Variants in TCF20 observed in about 807,000 individuals in gnomAD.
TCF20 encodes the protein transcription factor 20.
Under a neutral mutation model 148.6 loss-of-function variants are expected in TCF20, and 3 were observed. The observed-to-expected ratio is 0.02, with a 90% CI of 0.01 to 0.05. The LOEUF is 0.05. TCF20 is among the 10% of genes least tolerant of loss of function. The pLI is 1.00. For missense variants in TCF20, 2,350 were observed against 2,429.3 expected (o/e 0.97, Z 0.69); for synonymous variants, 1,049 against 909.5 (o/e 1.15, Z -2.76).
At chr22:42,334,742 C>T (rs951159501) in intron 1 of TCF20, among the ~76,000 whole-genome samples, 2 of 152,220 alleles carry the variant, frequency 1.3e-5, no homozygotes, top group African/African-American at 2.4e-5. Flanking sequence ...CAGATGAGGA[C>T]GCTGAGGCTC....
At chr22:42,189,927 G>C (rs1937245610) in intron 2 of TCF20, among the ~76,000 whole-genome samples, 1 of 152,210 alleles carries the variant, frequency 6.6e-6, no homozygotes, top group African/African-American at 2.4e-5. Context: ...CTGGGGCGGA[G>C]AGGAAGTTCT....
upstream of TCF20, among the ~76,000 whole-genome samples, chr22:42,272,678 CA>C (rs1356442222): frequency 7.2e-5 from 11 of 152,356 alleles, no homozygotes; most frequent in East Asian, 2.1e-3. Flanking sequence ...GAAACTTCCC[CA>C]GTCCTTGGAC....
intron 2 of TCF20, among the ~76,000 whole-genome samples, chr22:42,198,914 C>T (rs1028229310): frequency 6.6e-6 from 1 of 152,182 alleles, no homozygotes; most frequent in Non-Finnish European, 1.5e-5. Flanking sequence ...ATCTGCCCAC[C>T]TTGGCCTCCC....
chr22:42,251,133 C>T (rs1475479741), intron 1 of TCF20, among the ~76,000 whole-genome samples: 1 of 152,124 alleles, frequency 6.6e-6, no homozygotes, highest in African/African-American at 2.4e-5. Context: ...ATTAAGTGGC[C>T]TATGAAGTGT....
At chr22:42,220,036 C>G (rs927093721) in intron 1 of TCF20, among the ~76,000 whole-genome samples, 1 of 152,296 alleles carries the variant, frequency 6.6e-6, no homozygotes, top group African/African-American at 2.4e-5. Flanking sequence ...ACCTCACAAA[C>G]TCACTCATAA....
chr22:42,211,180 C>T lies in TCF20; in HGVS notation c.4126G>A (p.Gly1376Arg), dbSNP rs1421442463. The change falls in exon 2 of 6, where the codon GGG becomes AGG. Residue 1376 changes from glycine to arginine, a missense_variant. Transcript: ENST00000677622. ...TCATCAAGCGTAACCGTGTCTCCCC[C>T]AGCCTCCGCACTGTTCGAAGATGCG... Reference protein sequence around the residue: ...RSASSNSAEAGGDTVTLDDIL... With the variant: ...RSASSNSAEARGDTVTLDDIL... The T allele has an allele frequency of 6.2e-7, 1 of 1,614,212 alleles. No individual in the cohort carries two copies. The highest frequency in any genetic ancestry group is 8.5e-7 in the Non-Finnish European group (1 of 1,180,046).
upstream of TCF20, among the ~76,000 whole-genome samples, chr22:42,273,360 CAAAAAAAAAAAAAAA>C (rs35166029): frequency 3.3e-5 from 2 of 61,270 alleles, no homozygotes; most frequent in Admixed American, 5.1e-4. Flanking sequence ...AACTCCGTCT[CAAAAAAAAAAAAAAA>C]AAAAAAAAAA....
At chr22:42,199,443 A>C (rs2147157540) in intron 2 of TCF20, among the ~76,000 whole-genome samples, 1 of 152,310 alleles carries the variant, frequency 6.6e-6, no homozygotes, top group East Asian at 1.9e-4. Flanking sequence ...CTGAGGAAAT[A>C]GGGTACAACT....
At chr22:42,324,030 GAT>G (rs1927809433) in intron 1 of TCF20, among the ~76,000 whole-genome samples, 3 of 145,436 alleles carry the variant, frequency 2.1e-5, no homozygotes, top group Non-Finnish European at 4.6e-5. Context: ...TGGTGGTGGT[GAT>G]GGAGGTTATG....
rs571292523 is a variant in TCF20, at chr22:42,267,699, C to CA, written c.-37+2639dup. ...CTGGCAACAGAGAGAGACTCTGTCT[C>CA]AAAAAAACAAACAAAAAAGTGTTTA... is the stretch of plus-strand genomic sequence containing the variant. On this transcript the variant is annotated intron_variant, in intron 1 of 5. Transcript: ENST00000677622. 7.2e-4 allele frequency among the ~76,000 whole-genome samples: 107 copies of CA among 149,318 alleles called. No individual in the cohort carries two copies. In the Middle Eastern group the frequency reaches 0.017, roughly 24 times the overall value.
intron 3 of TCF20, 107 bp downstream of exon 3, chr22:42,179,490 CAAAAAAAAAAAA>C (rs57857271): frequency 2.7e-6 from 1 of 369,016 alleles, no homozygotes; most frequent in Non-Finnish European, 4.5e-6. Flanking sequence ...TATGAAGTGA[CAAAAAAAAAAAA>C]AAAAAAAAAG....
chr22:42,323,594 G>A (rs1927774632), intron 1 of TCF20, among the ~76,000 whole-genome samples: 1 of 151,792 alleles, frequency 6.6e-6, no homozygotes, highest in Non-Finnish European at 1.5e-5. Flanking sequence ...TATAGCAAAT[G>A]CAAAGGCTGG....
Position 42,211,889 on chromosome 22 carries a change from G to A in TCF20, c.3417C>T (p.Asp1139=), listed in dbSNP as rs780896034. The change falls in exon 2 of 6, where the codon GAC becomes GAT. Residue 1139 remains aspartate (D), a synonymous_variant. Coordinates refer to ENST00000677622, the MANE Select transcript of TCF20 (RefSeq NM_001378418.1). ...GTGGGCCATACATCATACCATCTTT[G>A]TCATTTTTCAGAGGGCTCCGTACTC... ...LDRVRSPLKN[D]KDGMMYGPPV... is the part of the protein sequence containing the mutation. The A allele has an allele frequency of 6.2e-7, 1 of 1,614,104 alleles. No homozygotes were observed. Among genetic ancestry groups the A allele is most frequent in the African/African-American group, 1.3e-5 (1 of 75,006 alleles).
chr22:42,261,196 G>C (rs1005572217), intron 1 of TCF20, among the ~76,000 whole-genome samples: 1 of 152,060 alleles, frequency 6.6e-6, no homozygotes, highest in African/African-American at 2.4e-5. Context: ...TTTTGTTTGT[G>C]GTCTTCCATT....
intron 1 of TCF20, among the ~76,000 whole-genome samples, chr22:42,307,347 C>T (rs989101632): frequency 6.6e-6 from 1 of 152,226 alleles, no homozygotes; most frequent in Admixed American, 6.5e-5. Context: ...TGCACTTAGG[C>T]CCAGAGTGGC....
chr22:42,271,016 C>G (rs555031055), upstream of TCF20, among the ~76,000 whole-genome samples: 20 of 152,092 alleles, frequency 1.3e-4, no homozygotes, highest in Non-Finnish European at 2.4e-4. Context: ...CTGGAGTTCC[C>G]TGGAGCCTCC....
intron 3 of TCF20, 86 bp downstream of exon 3, chr22:42,179,523 A>G: frequency 1.0e-6 from 1 of 969,148 alleles, no homozygotes; most frequent in Non-Finnish European, 1.5e-6. Flanking sequence ...AAAAGAAAAG[A>G]AAAAAAACAA....
At chr22:42,226,390 C>A (rs992761061) in intron 1 of TCF20, among the ~76,000 whole-genome samples, 1 of 152,172 alleles carries the variant, frequency 6.6e-6, no homozygotes. Context: ...AAGGATGTTC[C>A]ATTTTATAAT....
intron 2 of TCF20, among the ~76,000 whole-genome samples, chr22:42,196,556 T>C (rs1193334458): frequency 6.6e-6 from 1 of 152,176 alleles, no homozygotes; most frequent in African/African-American, 2.4e-5. Flanking sequence ...ACCAGCTTTG[T>C]ATGAAAAAAC....
Sources: allele counts gnomAD v4.1 joint callset (sites outside exome capture counted in the v4.1 genomes callset), GRCh38; gene constraint gnomAD v4.1.1; transcripts MANE v1.5; gene names NCBI Gene and HGNC (gene_info 2026-07-23, HGNC 2026-07-21).